NCOA1: variants seen among roughly 807,000 people sequenced by gnomAD.
The protein encoded by NCOA1 is Hin-2 protein.
Under a neutral mutation model 150.9 loss-of-function variants are expected in NCOA1, and 35 were observed. That is an observed-to-expected ratio of 0.23 (90% CI 0.18 to 0.31). The LOEUF is 0.31. Among genes scored for constraint, NCOA1 ranks in the 10% least tolerant of loss-of-function variants. The pLI is 1.00. For synonymous variants in NCOA1, 590 were observed against 630.0 expected (o/e 0.94, Z 0.95); for missense variants, 1,491 against 1,749.3 (o/e 0.85, Z 2.63).
At chr2:24,734,899 C>G (rs1663217898) in intron 17 of NCOA1, among the ~76,000 whole-genome samples, 1 of 152,062 alleles carries the variant, frequency 6.6e-6, no homozygotes, top group Admixed American at 6.6e-5. Flanking sequence ...CATAATAGCT[C>G]TACATAATAG....
chr2:24,620,628 T>A (rs1669099506), intron 3 of NCOA1, among the ~76,000 whole-genome samples: 2 of 152,166 alleles, frequency 1.3e-5, no homozygotes, highest in Non-Finnish European at 1.5e-5. Flanking sequence ...ACAAAACTAT[T>A]CAATATTATG....
At chr2:24,669,704 C>G (rs749701047) in intron 6 of NCOA1, among the ~76,000 whole-genome samples, 4 of 152,080 alleles carry the variant, frequency 2.6e-5, no homozygotes, top group Admixed American at 6.6e-5. Flanking sequence ...AATAAAGACC[C>G]TGAATAGACA....
intron 3 of NCOA1, among the ~76,000 whole-genome samples, chr2:24,599,351 T>A (rs1342860341): frequency 6.6e-6 from 1 of 152,238 alleles, no homozygotes; most frequent in Non-Finnish European, 1.5e-5. Flanking sequence ...GGCATACTTT[T>A]ATTATAAACT....
At chr2:24,526,231 A>T (rs145553026) in intron 1 of NCOA1, among the ~76,000 whole-genome samples, 152 of 152,176 alleles carry the variant, frequency 1.0e-3, no homozygotes, top group African/African-American at 3.5e-3. Flanking sequence ...CTGTTTAATC[A>T]GTGTGATTAC....
chr2:24,613,572 A>T (rs1281550775), intron 3 of NCOA1, among the ~76,000 whole-genome samples: 4 of 152,106 alleles, frequency 2.6e-5, no homozygotes, highest in Admixed American at 1.3e-4. Flanking sequence ...GGAGGCCTGA[A>T]CTCTTAATCC....
chr2:24,530,151 G>A (rs765048346), intron 1 of NCOA1, among the ~76,000 whole-genome samples: 10 of 152,228 alleles, frequency 6.6e-5, no homozygotes, highest in South Asian at 2.1e-4. Flanking sequence ...TTTAGCTGTC[G>A]GTGAGCAGAA....
intron 2 of NCOA1, among the ~76,000 whole-genome samples, chr2:24,572,966 C>A (rs1302824509): frequency 2.0e-5 from 3 of 152,118 alleles, no homozygotes; most frequent in African/African-American, 7.2e-5. Flanking sequence ...AACCCACTCT[C>A]GTATCTAATC....
intron 4 of NCOA1, among the ~76,000 whole-genome samples, chr2:24,653,159 A>G (rs1487684349): frequency 6.6e-6 from 1 of 152,178 alleles, no homozygotes; most frequent in Non-Finnish European, 1.5e-5. Context: ...TAAGGGTAGT[A>G]CATATGGGAA....
intron 3 of NCOA1, among the ~76,000 whole-genome samples, chr2:24,638,193 T>C (rs1366622147): frequency 7.3e-6 from 1 of 136,576 alleles, no homozygotes; most frequent in Non-Finnish European, 1.6e-5. Flanking sequence ...TTTTTTTTTT[T>C]TTTTTTTTTT....
At chr2:24,616,478 T>A (rs993730566) in intron 3 of NCOA1, among the ~76,000 whole-genome samples, 1 of 152,120 alleles carries the variant, frequency 6.6e-6, no homozygotes, top group African/African-American at 2.4e-5. Context: ...AATAAAGAAT[T>A]TCTTGGAAGG....
At chr2:24,568,736 G>T (rs543596343) in intron 2 of NCOA1, among the ~76,000 whole-genome samples, 1 of 152,174 alleles carries the variant, frequency 6.6e-6, no homozygotes, top group Non-Finnish European at 1.5e-5. Flanking sequence ...TGCTTGCAGA[G>T]AAAGTAAAAT....
At chr2:24,602,246 G>C (rs1406325432) in intron 3 of NCOA1, among the ~76,000 whole-genome samples, 1 of 152,146 alleles carries the variant, frequency 6.6e-6, no homozygotes, top group Non-Finnish European at 1.5e-5. Flanking sequence ...TGTCTCCCAG[G>C]CTGGAATGCA....
chr2:24,599,330 TA>T (rs1668011990), intron 3 of NCOA1, among the ~76,000 whole-genome samples: 1 of 152,194 alleles, frequency 6.6e-6, no homozygotes, highest in Non-Finnish European at 1.5e-5. Context: ...GTTATTCTAC[TA>T]GGGGAAACTG....
At chr2:24,516,205 T>TTTTTTTTTTTTTC in intron 1 of NCOA1, among the ~76,000 whole-genome samples, 1 of 145,124 alleles carries the variant, frequency 6.9e-6, no homozygotes. Context: ...TTTTTTTTTT[T>TTTTTTTTTTTTTC]TTTTTGAGAC....
At chr2:24,710,353 A>G (rs1402281822) in intron 13 of NCOA1, among the ~76,000 whole-genome samples, 1 of 152,082 alleles carries the variant, frequency 6.6e-6, no homozygotes, top group Non-Finnish European at 1.5e-5. Flanking sequence ...CAGCCTCCCA[A>G]AGTGCTGGGA....
intron 2 of NCOA1, among the ~76,000 whole-genome samples, chr2:24,572,090 A>G (rs1200163977): frequency 1.3e-5 from 2 of 152,196 alleles, no homozygotes; most frequent in East Asian, 1.9e-4. Flanking sequence ...CATAATATGT[A>G]TCTAGTAAAT....
At chr2:24,753,567 G>A (rs1217814235) in intron 20 of NCOA1, among the ~76,000 whole-genome samples, 1 of 152,156 alleles carries the variant, frequency 6.6e-6, no homozygotes, top group African/African-American at 2.4e-5. Context: ...AGTGCCAAAA[G>A]CAATGCTCAT....
At chr2:24,533,812 A>C (rs1665001154) in intron 1 of NCOA1, among the ~76,000 whole-genome samples, 1 of 152,182 alleles carries the variant, frequency 6.6e-6, no homozygotes, top group South Asian at 2.1e-4. Context: ...TGTGGTGGAT[A>C]AGCTTTTTGA....
intron 17 of NCOA1, among the ~76,000 whole-genome samples, chr2:24,738,874 T>G (rs1255895884): frequency 1.3e-5 from 2 of 152,186 alleles, no homozygotes; most frequent in African/African-American, 4.8e-5. Flanking sequence ...ATAATCCATT[T>G]TTTCAGACCA....
Sources: allele counts gnomAD v4.1 joint callset (sites outside exome capture counted in the v4.1 genomes callset), GRCh38; gene constraint gnomAD v4.1.1; transcripts MANE v1.5; gene names NCBI Gene and HGNC (gene_info 2026-07-23, HGNC 2026-07-21).